The following GALNT13 variants were observed in gnomAD, a reference collection of about 807,000 sequenced individuals.
GALNT13 encodes the protein polypeptide N-acetylgalactosaminyltransferase 13.
GALNT13 carries 28 observed loss-of-function variants against 64.2 expected under a neutral mutation model. The ratio of observed to expected loss-of-function variants is 0.44; its 90% confidence interval spans 0.32 to 0.60. The LOEUF (loss-of-function observed/expected upper bound fraction) is 0.60, where lower values mean the gene tolerates loss of function less well. Ranked by LOEUF, GALNT13 falls within the 20% of genes least tolerant of loss-of-function variation. The probability of loss-of-function intolerance (pLI) is 0.05; values close to 1 mark genes in which losing one functional copy is unlikely to be tolerated. For synonymous variants in GALNT13, 214 were observed against 224.6 expected, an observed-to-expected ratio of 0.95 and a Z score of 0.42; for missense variants, 577 against 669.8, an observed-to-expected ratio of 0.86 and a Z score of 1.53.
intron 3 of GALNT13, among the ~76,000 whole-genome samples, chr2:153,948,716 G>T (rs539170289): frequency 1.3e-5 from 2 of 152,220 alleles, no homozygotes; most frequent in East Asian, 3.9e-4. Flanking sequence ...GACGTGGATG[G>T]AGCTGGAGGC....
rs182744796 is a variant in GALNT13, at chr2:154,294,137, A to C, written c.976-7272A>C. 7.7e-3 allele frequency among the ~76,000 whole-genome samples: 1,176 copies of C among 152,364 alleles called. 11 individuals are homozygous for C. Among genetic ancestry groups the C allele is most frequent in the Non-Finnish European group, 9.9e-3 (672 of 68,040 alleles). ...AAGCACTCACATTATTTCAAGAGTC[A>C]GTAGCCTATGGCATACAGGCAAAAC... On this transcript the variant is annotated intron_variant, in intron 8 of 12. Transcript: ENST00000392825.
chr2:154,428,441 G>T lies in GALNT13; in HGVS notation c.1396-10151G>T, dbSNP rs576154180. ...AATGTAGGGAAATCAAAACCTATAT[G>T]ATAGAGCTGCACCAAATATACATGT... On this transcript the variant is annotated intron_variant, in intron 11 of 12. Transcript: ENST00000392825. Among the ~76,000 whole-genome samples the T allele has an allele frequency of 2.0e-5, 3 of 152,250 alleles. No individual in the cohort carries two copies. In the East Asian group the frequency reaches 5.8e-4, roughly 29 times the overall value.
chr2:153,688,355 A>G, the GALNT13 span, among the ~76,000 whole-genome samples: 1 of 151,986 alleles, frequency 6.6e-6, no homozygotes, highest in Non-Finnish European at 1.5e-5. Flanking sequence ...TTCAGAGGCT[A>G]TTATGTTCTG....
At chr2:153,601,139 C>T in the GALNT13 span, among the ~76,000 whole-genome samples, 1 of 149,720 alleles carries the variant, frequency 6.7e-6, no homozygotes, top group African/African-American at 2.5e-5. Context: ...TACATACATT[C>T]TTTTAATTTC....
chr2:153,110,705 A>G, the GALNT13 span, among the ~76,000 whole-genome samples: 1 of 152,056 alleles, frequency 6.6e-6, no homozygotes. Flanking sequence ...AGGACTGTGT[A>G]TGCGATTATA....
chr2:154,015,034 A>T (rs1030519388), intron 3 of GALNT13, among the ~76,000 whole-genome samples: 2 of 152,220 alleles, frequency 1.3e-5, no homozygotes, highest in Non-Finnish European at 2.9e-5. Flanking sequence ...AAAACAAAAC[A>T]TGCATATTAT....
chr2:153,116,975 A>G, the GALNT13 span, among the ~76,000 whole-genome samples: 1 of 151,488 alleles, frequency 6.6e-6, no homozygotes, highest in Non-Finnish European at 1.5e-5. Flanking sequence ...AATATTTTGT[A>G]TTTTTAGTAG....
At chr2:153,287,426 G>C in the GALNT13 span, among the ~76,000 whole-genome samples, 22 of 152,328 alleles carry the variant, frequency 1.4e-4, no homozygotes, top group African/African-American at 5.3e-4. Context: ...TGTATCCTGG[G>C]TTCTTTATGT....
chr2:153,937,404 C>T (rs1483220760), intron 2 of GALNT13, among the ~76,000 whole-genome samples: 1 of 152,128 alleles, frequency 6.6e-6, no homozygotes, highest in Non-Finnish European at 1.5e-5. Flanking sequence ...TTGTATGATT[C>T]AATTTGTATG....
At chr2:153,805,270 G>A in the GALNT13 span, among the ~76,000 whole-genome samples, 2 of 151,604 alleles carry the variant, frequency 1.3e-5, no homozygotes, top group African/African-American at 2.4e-5. Flanking sequence ...AATACAATAA[G>A]TAACATATAA....
intron 3 of GALNT13, among the ~76,000 whole-genome samples, chr2:154,017,485 C>G (rs1017901494): frequency 6.6e-6 from 1 of 152,074 alleles, no homozygotes; most frequent in Non-Finnish European, 1.5e-5. Context: ...GATAAGTACA[C>G]CACTTTAGTA....
rs145992972 is a variant in GALNT13 at position 154,189,608 on chromosome 2, A to C, written c.311+49103A>C. 6.8e-3 allele frequency among the ~76,000 whole-genome samples: 1,033 copies of C among 151,946 alleles called. 8 individuals carry two copies. Among genetic ancestry groups the C allele is most frequent in the African/African-American group, 0.024 (998 of 41,412 alleles). On this transcript the variant is annotated intron_variant, in intron 4 of 12. Transcript: ENST00000392825. The stretch of plus-strand genomic sequence containing the variant: ...TCCAGAACTGTGAGAAAATAAATTT[A>C]TGTTTTCTATGGTATTTTATTATGG...
intron 11 of GALNT13, among the ~76,000 whole-genome samples, chr2:154,425,702 G>C (rs1700438906): frequency 6.6e-6 from 1 of 152,200 alleles, no homozygotes; most frequent in African/African-American, 2.4e-5. Context: ...GGTTGGAATA[G>C]TGGGAGAAAT....
the GALNT13 span, among the ~76,000 whole-genome samples, chr2:153,100,502 T>C: frequency 6.6e-6 from 1 of 152,190 alleles, no homozygotes; most frequent in Non-Finnish European, 1.5e-5. Flanking sequence ...AAAATTGTTT[T>C]GGAAGAAATA....
intron 10 of GALNT13, among the ~76,000 whole-genome samples, chr2:154,396,358 T>G (rs1038349950): frequency 1.3e-5 from 2 of 152,160 alleles, no homozygotes; most frequent in Non-Finnish European, 2.9e-5. Flanking sequence ...TTAACAGTTC[T>G]AAAGCTTTTG....
chr2:153,694,088 A>G, the GALNT13 span, among the ~76,000 whole-genome samples: 8 of 152,194 alleles, frequency 5.3e-5, no homozygotes, highest in African/African-American at 1.9e-4. Flanking sequence ...AGCCTGGGGA[A>G]CAGAGTGAGA....
intron 1 of GALNT13, among the ~76,000 whole-genome samples, chr2:153,890,065 A>T (rs1687453797): frequency 6.6e-6 from 1 of 151,820 alleles, no homozygotes. Context: ...TTATTTTCTC[A>T]ATCAGGAAAG....
chr2:153,329,432 G>T, the GALNT13 span, among the ~76,000 whole-genome samples: 1 of 152,124 alleles, frequency 6.6e-6, no homozygotes, highest in South Asian at 2.1e-4. Flanking sequence ...AGCTTTGCTG[G>T]TATCTATTGC....
the GALNT13 span, among the ~76,000 whole-genome samples, chr2:153,167,464 C>T: frequency 6.6e-6 from 1 of 152,226 alleles, no homozygotes; most frequent in Non-Finnish European, 1.5e-5. Flanking sequence ...TAGGTTACTA[C>T]AGCATAACCT....
Sources: allele counts gnomAD v4.1 joint callset (sites outside exome capture counted in the v4.1 genomes callset), GRCh38; gene constraint gnomAD v4.1.1; transcripts MANE v1.5; gene names NCBI Gene and HGNC (gene_info 2026-07-23, HGNC 2026-07-21).